TTLL12: variants seen among roughly 807,000 people sequenced by gnomAD.
TTLL12 encodes tubulin tyrosine ligase like 12.
In TTLL12, 77 loss-of-function variants were observed where a neutral mutation model predicts 79.6. The observed-to-expected ratio is 0.97, with a 90% CI of 0.81 to 1.17. TTLL12 has a LOEUF of 1.17. Ranked by LOEUF, TTLL12 falls within the 50% of genes most tolerant of loss-of-function variation. The probability of loss-of-function intolerance (pLI) is 0.00; values close to 1 mark genes in which losing one functional copy is unlikely to be tolerated. For synonymous variants in TTLL12, 437 were observed against 376.1 expected (o/e 1.16, Z -1.87); for missense variants, 969 against 895.9 (o/e 1.08, Z -1.04).
rs529496470 is a variant in TTLL12, at chr22:43,187,056, C to T, written c.14G>A (p.Arg5Gln). The T allele has an allele frequency of 1.2e-4, 141 of 1,184,620 alleles. No homozygotes were observed. In the African/African-American group the frequency reaches 2.2e-3, roughly 18 times the overall value. The allele number at this position is 1,184,620 out of a possible 1,614,324, so 73.4% of individuals were successfully genotyped here. The change falls in exon 1 of 14, where the codon CGG becomes CAG. Residue 5 changes from arginine (R) to glutamine (Q), a missense_variant. By Grantham distance (43) the Arg-to-Gln change is conservative (BLOSUM62 1). Transcript: ENST00000216129. ...CTCCGCAGGCCGGCGCTCGGGACCC[C>T]GCTCGGCCTCCATGGCGCCAGCACC... MEAE[R>Q]GPERRPAERS...
chr22:43,179,947 C>T lies in TTLL12; in HGVS notation c.600G>A (p.Arg200=), dbSNP rs1932013018. ...VWYIMDEFGS[R]IQHADVPSFA... is the part of the protein sequence containing the mutation. ...AGCTGGGCACGTCCGCGTGCTGGAT[C>T]CGCGAACCGAACTCGTCCATGATAT... Residue 200 remains arginine (R), a synonymous_variant, in exon 4 of 14, where the codon CGG becomes CGA. Coordinates refer to ENST00000216129, the MANE Select transcript of TTLL12 (RefSeq NM_015140.4). 1.2e-6 allele frequency: 2 copies of T among 1,610,582 alleles called. No individual in the cohort carries two copies. Among genetic ancestry groups the T allele is most frequent in the Non-Finnish European group, 1.7e-6 (2 of 1,179,880 alleles).
At chr22:43,168,415 A>G (rs1931673163) in intron 13 of TTLL12, among the ~76,000 whole-genome samples, 1 of 135,886 alleles carries the variant, frequency 7.4e-6, no homozygotes, top group African/African-American at 2.8e-5. Flanking sequence ...TTAAGCTTGG[A>G]TGTTCAGTTT....
rs1417534422 is a variant in TTLL12, at chr22:43,174,591, C to T, written c.942G>A (p.Val314=). Residue 314 remains valine (V), a synonymous_variant, in exon 7 of 14, where the codon GTG becomes GTA. Transcript: ENST00000216129. ...IFKVYTDVQQ[V]ASSLTHPRFT... ...AGCGCGGGTGGGTGAGGCTGCTGGC[C>T]ACCTGCTGCACGTCCGTGTAGACCC... The T allele has an allele frequency of 6.2e-7, 1 of 1,612,330 alleles. No homozygotes were observed. The highest frequency in any genetic ancestry group is 1.1e-5 in the South Asian group (1 of 90,942).
At chr22:43,180,708 C>G (rs547552262) in intron 3 of TTLL12, 34 bp downstream of exon 3, 1 of 1,608,076 alleles carries the variant, frequency 6.2e-7, no homozygotes, top group South Asian at 1.1e-5. Flanking sequence ...CCATGCCTGT[C>G]CTCCCCCTCC....
Position 43,186,986 on chromosome 22 carries a change from C to T in TTLL12, c.84G>A (p.Leu28=), listed in dbSNP as rs1271763365. The T allele has an allele frequency of 3.9e-6, 5 of 1,292,986 alleles. No individual in the cohort carries two copies. The highest frequency in any genetic ancestry group is 7.3e-5 in the Admixed American group (2 of 27,264). The allele number at this position is 1,292,986 out of a possible 1,614,324, so 80.1% of individuals were successfully genotyped here. A position where few individuals can be genotyped will look rare whatever the true frequency, so the allele number is the denominator to read the frequency against. The change falls in exon 1 of 14, where the codon TTG becomes TTA. Residue 28 remains leucine (L), a synonymous_variant. Coordinates refer to ENST00000216129, the MANE Select transcript of TTLL12 (RefSeq NM_015140.4). ...GGCCGTGCAGCGCCGCGAACTCGGC[C>T]AAGGCCTGCGCGCCCTCCTCCGGCG... ...GQTPEEGAQA[L]AEFAALHGPA... is the part of the protein sequence containing the mutation.
rs753780039 is a variant in TTLL12, at chr22:43,171,903, G to A, written c.1494-3C>T. 2 of 1,613,890 alleles carry A rather than the reference G, an allele frequency of 1.2e-6. No homozygotes were observed. Among genetic ancestry groups the A allele is most frequent in the Admixed American group, 1.7e-5 (1 of 60,016 alleles). ...CCAGGTCGTTGAGTGCAAAGGCCCT[G>A]GAAGACAAGTGTGCAGACACATATG... On this transcript the variant is annotated splice_region_variant and splice_polypyrimidine_tract_variant and intron_variant, in intron 10 of 13. Transcript: ENST00000216129.
In TTLL12 at chr22:43,173,765, C is replaced by T. The variant is rs776233681; in HGVS notation, c.1291G>A (p.Val431Ile). The change falls in exon 9 of 14, where the codon GTC (valine) becomes ATC (isoleucine). Residue 431 changes from valine (V) to isoleucine (I), a missense_variant. Physicochemically the swap from Val to Ile is conservative, Grantham distance 29. Transcript: ENST00000216129. ...WNLARSLDTH[V>I]TKSLHSIIRH... ...ATGATGCTGTGCAGGCTCTTGGTGA[C>T]GTGGGTGTCCAGGCTGCGCGCCAGG... is the stretch of plus-strand genomic sequence containing the variant. 1.4e-5 allele frequency: 23 copies of T among 1,604,720 alleles called. No individual in the cohort carries two copies. The highest frequency in any genetic ancestry group is 3.3e-5 in the Admixed American group (2 of 59,994).
At chr22:43,181,009 A>C (rs1297138605) in intron 2 of TTLL12, 69 bp from the exon 3 acceptor site, 1 of 1,523,866 alleles carries the variant, frequency 6.6e-7, no homozygotes, top group African/African-American at 1.4e-5. Context: ...GGGGAGCAAG[A>C]GGCCCAGGGC....
At chr22:43,180,677 C>T (rs1932032691) in intron 3 of TTLL12, 65 bp downstream of exon 3, 12 of 1,555,576 alleles carry the variant, frequency 7.7e-6, no homozygotes, top group Middle Eastern at 1.8e-4. Flanking sequence ...CCTGATGGCA[C>T]AGGGCAGCGG....
chr22:43,168,241 G>T (rs1931668957), intron 13 of TTLL12, 82 bp from the exon 14 acceptor site: 10 of 1,546,964 alleles, frequency 6.5e-6, no homozygotes, highest in Non-Finnish European at 7.9e-6. Flanking sequence ...TCCAGCAAAG[G>T]CTGGGAGGCC....
rs1441958268 is a variant in TTLL12 at position 43,179,167 on chromosome 22, C to T, written c.840+452G>A. On this transcript the variant is annotated intron_variant, in intron 5 of 13. Transcript: ENST00000216129. The stretch of plus-strand genomic sequence containing the variant: ...TACCGAGTGGGCCAGCTGGGTCCCT[C>T]GGGGCCCTGACCAAGACTGAAAGCA... Among the ~76,000 whole-genome samples the T allele has an allele frequency of 5.3e-5, 8 of 152,318 alleles. No homozygotes were observed. In the East Asian group the frequency reaches 5.8e-4, roughly 11 times the overall value.
rs1932009017 is a variant in TTLL12, at chr22:43,179,847, T to C, written c.700A>G (p.Thr234Ala). The C allele has an allele frequency of 6.3e-7, 1 of 1,587,408 alleles. No homozygotes were observed. Among genetic ancestry groups the C allele is most frequent in the Non-Finnish European group, 8.6e-7 (1 of 1,165,598 alleles). The change falls in exon 4 of 14, where the codon ACT (threonine) becomes GCT (alanine). Residue 234 changes from threonine to alanine, a missense_variant. Physicochemically the swap from Thr to Ala is moderately conservative, Grantham distance 58. Transcript: ENST00000216129. ...GGGCAGGTGCTGGACTTACCGCCAG[T>C]GTCCAGGTCCCTCAGGGGCCACAGC... ...TLLWPLRDLD[T>A]GEEVTRDFAY...
In TTLL12 at chr22:43,167,500, G is replaced by A. The variant is rs543044303; in HGVS notation, c.*508C>T. ...TAGAGCCCTGTGGGTGCAGTGTGGGGCCCCACAGCCGTCCCGGGGTCGTCC... is the reference window on the plus strand; with the variant it reads ...TAGAGCCCTGTGGGTGCAGTGTGGGACCCCACAGCCGTCCCGGGGTCGTCC... On this transcript the variant is annotated 3_prime_UTR_variant, in exon 14 of 14. Coordinates refer to ENST00000216129, the MANE Select transcript of TTLL12 (RefSeq NM_015140.4). 3.0e-4 allele frequency: 66 copies of A among 223,644 alleles called. No homozygotes were observed. Among genetic ancestry groups the A allele is most frequent in the Non-Finnish European group, 4.5e-5 (5 of 110,086 alleles). The allele number at this position is 223,644 out of a possible 1,614,324, so 13.9% of individuals were successfully genotyped here.
At chr22:43,182,866 C>A in intron 2 of TTLL12, 114 bp downstream of exon 2, 1 of 1,396,500 alleles carries the variant, frequency 7.2e-7, no homozygotes, top group Non-Finnish European at 9.6e-7. Flanking sequence ...TGCCACAAAG[C>A]TGTCCTAAGG....
chr22:43,176,307 G>T lies in TTLL12; in HGVS notation c.917+13C>A. On this transcript the variant is annotated intron_variant, in intron 6 of 13. Transcript: ENST00000216129. ...ACAAGTCCCAGCCCAAGCAGTGGGG[G>T]GGGGCTACGCACTTGAAGATGTGGC... The T allele has an allele frequency of 6.3e-7, 1 of 1,574,982 alleles. No individual in the cohort carries two copies. The highest frequency in any genetic ancestry group is 8.6e-7 in the Non-Finnish European group (1 of 1,156,996).
At chr22:43,174,924 C>G (rs993989551) in intron 6 of TTLL12, among the ~76,000 whole-genome samples, 4 of 152,258 alleles carry the variant, frequency 2.6e-5, no homozygotes, top group African/African-American at 9.6e-5. Flanking sequence ...TGTGCTAGTT[C>G]TTTCCTCTCA....
chr22:43,173,984 G>T (rs1270249010), intron 8 of TTLL12, among the ~76,000 whole-genome samples, 158 bp from the exon 9 acceptor site: 2 of 152,234 alleles, frequency 1.3e-5, no homozygotes, highest in East Asian at 3.8e-4. Context: ...AAACAAGGAG[G>T]GGTTTGCCAG....
rs146960427 is a variant in TTLL12, at chr22:43,179,660, G to C, written c.799C>G (p.Leu267Val). The change falls in exon 5 of 14, where the codon CTC becomes GTC. Residue 267 changes from leucine to valine, a missense_variant. Leu to Val is a conservative substitution (Grantham distance 32). Transcript: ENST00000216129. The part of the protein sequence containing the change: ...LPWAPTDMLD[L>V]SSCTPEPPAE... ...GGCGGCTCGGGTGTGCAAGAGCTGAGGTCCAGCATGTCGGTGGGGGCCCAG... is the reference window on the plus strand; with the variant it reads ...GGCGGCTCGGGTGTGCAAGAGCTGACGTCCAGCATGTCGGTGGGGGCCCAG... The C allele has an allele frequency of 6.3e-7, 1 of 1,583,396 alleles. No homozygotes were observed.
intron 9 of TTLL12, among the ~76,000 whole-genome samples, chr22:43,173,272 G>A (rs767462725): frequency 3.3e-5 from 5 of 152,124 alleles, no homozygotes; most frequent in Non-Finnish European, 7.4e-5. Flanking sequence ...GCCATACCTG[G>A]CACACTATGT....
Sources: gnomAD v4.1 joint callset for allele counts (sites outside exome capture counted in the v4.1 genomes callset) on GRCh38, gnomAD v4.1.1 for gene constraint, MANE v1.5 for transcripts, NCBI Gene and HGNC (gene_info 2026-07-23, HGNC 2026-07-21) for gene names.